Variants in CTNNA3 observed in about 807,000 individuals in gnomAD.
The protein encoded by CTNNA3 is catenin alpha-3.
Under a neutral mutation model 95.7 loss-of-function variants are expected in CTNNA3, and 76 were observed. The ratio of observed to expected loss-of-function variants is 0.79; its 90% CI spans 0.66 to 0.96. The LOEUF (loss-of-function observed/expected upper bound fraction) is 0.96. Ranked by LOEUF, CTNNA3 falls within the 40% of genes least tolerant of loss-of-function variation. The pLI, the probability that CTNNA3 is intolerant of heterozygous loss-of-function variation, is 0.00. For synonymous variants in CTNNA3, 431 were observed against 374.4 expected (o/e 1.15, Z -1.74); for missense variants, 1,191 against 1,089.8 (o/e 1.09, Z -1.31).
intron 14 of CTNNA3, among the ~76,000 whole-genome samples, chr10:66,079,731 A>C (rs753411546): frequency 9.9e-5 from 15 of 152,028 alleles, no homozygotes; most frequent in Non-Finnish European, 1.8e-4. Context: ...GACCAAGACT[A>C]ATGATCCATA....
At chr10:66,319,116 T>C (rs2092147299) in intron 12 of CTNNA3, among the ~76,000 whole-genome samples, 1 of 152,072 alleles carries the variant, frequency 6.6e-6, no homozygotes, top group African/African-American at 2.4e-5. Flanking sequence ...TTAGCTCTTC[T>C]GAGCCTTGGA....
At chr10:66,688,293 A>G (rs1366672894) in intron 9 of CTNNA3, among the ~76,000 whole-genome samples, 1 of 152,172 alleles carries the variant, frequency 6.6e-6, no homozygotes, top group Non-Finnish European at 1.5e-5. Flanking sequence ...AATAAAATCC[A>G]AATGTTTCCC....
intron 7 of CTNNA3, among the ~76,000 whole-genome samples, chr10:66,815,703 A>T (rs932848288): frequency 6.6e-6 from 1 of 152,200 alleles, no homozygotes; most frequent in African/African-American, 2.4e-5. Context: ...TGGAAATAAT[A>T]TATTTAAACT....
chr10:67,194,413 C>CATAG, intron 6 of CTNNA3, among the ~76,000 whole-genome samples: 1 of 151,880 alleles, frequency 6.6e-6, no homozygotes, highest in Non-Finnish European at 1.5e-5. Context: ...CACAAAAAGA[C>CATAG]ATAGAGGAAA....
intron 9 of CTNNA3, among the ~76,000 whole-genome samples, chr10:66,736,286 A>G (rs1284043012): frequency 6.6e-6 from 1 of 151,826 alleles, no homozygotes; most frequent in Non-Finnish European, 1.5e-5. Flanking sequence ...CCCGGGTTCA[A>G]GCAATTCTCC....
chr10:65,948,015 C>A (rs570243330), intron 17 of CTNNA3, among the ~76,000 whole-genome samples: 1 of 152,188 alleles, frequency 6.6e-6, no homozygotes, highest in Non-Finnish European at 1.5e-5. Context: ...CGGTGGCTTA[C>A]GCCTGTAATC....
At chr10:66,647,384 G>A (rs1233077962) in intron 9 of CTNNA3, among the ~76,000 whole-genome samples, 1 of 152,170 alleles carries the variant, frequency 6.6e-6, no homozygotes, top group Non-Finnish European at 1.5e-5. Context: ...AATACTTTGG[G>A]AACAGGCAGG....
intron 17 of CTNNA3, among the ~76,000 whole-genome samples, chr10:65,954,019 C>G (rs971455396): frequency 9.9e-5 from 15 of 152,184 alleles, no homozygotes; most frequent in Admixed American, 9.8e-4. Context: ...AAAAGTGTTC[C>G]TATTTCTCCA....
intron 1 of CTNNA3, among the ~76,000 whole-genome samples, chr10:67,674,888 A>T (rs1187215902): frequency 6.6e-6 from 1 of 150,410 alleles, no homozygotes. Flanking sequence ...TCCCTGCTTC[A>T]TATGTCCCTC....
chr10:67,266,952 A>G (rs572072155), intron 5 of CTNNA3, among the ~76,000 whole-genome samples: 2 of 152,348 alleles, frequency 1.3e-5, no homozygotes, highest in East Asian at 3.9e-4. Flanking sequence ...TTTATCAATT[A>G]AAAATAATAT....
intron 5 of CTNNA3, among the ~76,000 whole-genome samples, chr10:67,235,366 T>TA (rs1697814469): frequency 6.6e-6 from 1 of 152,126 alleles, no homozygotes; most frequent in Non-Finnish European, 1.5e-5. Flanking sequence ...GCCACATATC[T>TA]ACAACTATCT....
In CTNNA3 at chr10:66,280,484, C is replaced by G. The variant is rs757726745; in HGVS notation, c.1870G>C (p.Val624Leu). 1.2e-5 allele frequency: 20 copies of G among 1,604,870 alleles called. No individual in the cohort carries two copies. Among genetic ancestry groups the G allele is most frequent in the East Asian group, 2.3e-5 (1 of 44,250 alleles). Residue 624 changes from valine (V) to leucine (L), a missense_variant, in exon 13 of 18, where the codon GTC (valine) becomes CTC (leucine). By Grantham distance (32) the Val-to-Leu change is conservative. Transcript: ENST00000433211. ...AGCAAACTTACCCGAATCATCATGA[C>G]TGAACATCTGATATCATGAATTGTA... is the stretch of plus-strand genomic sequence containing the variant. Reference protein sequence around the residue: ...YDTIHDIRCSVMMIRTPEELE... With the variant: ...YDTIHDIRCSLMMIRTPEELE...
intron 5 of CTNNA3, among the ~76,000 whole-genome samples, chr10:67,355,562 C>T (rs1414761004): frequency 6.6e-6 from 1 of 151,832 alleles, no homozygotes; most frequent in African/African-American, 2.4e-5. Flanking sequence ...GGAGCTGTAA[C>T]TTCTGCTCCT....
At chr10:67,266,244 T>C (rs1866821305) in intron 5 of CTNNA3, among the ~76,000 whole-genome samples, 1 of 151,984 alleles carries the variant, frequency 6.6e-6, no homozygotes, top group Non-Finnish European at 1.5e-5. Flanking sequence ...ACTAAACAAT[T>C]CAACTTACAC....
chr10:66,251,720 A>C (rs999062358), intron 13 of CTNNA3, among the ~76,000 whole-genome samples: 3 of 152,192 alleles, frequency 2.0e-5, no homozygotes, highest in Non-Finnish European at 2.9e-5. Context: ...AGTGCTAATT[A>C]CTCTATTTAA....
chr10:67,743,903 T>C (rs1005454621), intron 1 of CTNNA3, among the ~76,000 whole-genome samples: 25 of 151,086 alleles, frequency 1.7e-4, no homozygotes, highest in Non-Finnish European at 3.1e-4. Flanking sequence ...CCATTCACAA[T>C]TGCTTCAAAG....
At position 66,766,833 on chromosome 10, in the gene CTNNA3, T is replaced by A. The variant is rs115914660; in HGVS notation, c.1129-417A>T. Among the ~76,000 whole-genome samples, 706 of 152,314 alleles carry A rather than the reference T, an allele frequency of 4.6e-3. 5 individuals carry two copies. Among genetic ancestry groups the A allele is most frequent in the African/African-American group, 0.017 (688 of 41,576 alleles). ...GGAGGAACTGATGATAAATTTTGAT[T>A]AGCTAAATTGTAGACTTCATAGTAA... On this transcript the variant is annotated intron_variant, in intron 8 of 17. Coordinates refer to ENST00000433211, the MANE Select transcript of CTNNA3 (RefSeq NM_013266.4).
chr10:66,627,006 T>C (rs893689202), intron 9 of CTNNA3, among the ~76,000 whole-genome samples: 2 of 152,072 alleles, frequency 1.3e-5, no homozygotes, highest in African/African-American at 4.8e-5. Flanking sequence ...TGGTTAATTT[T>C]CATGTGTTTG....
chr10:66,673,872 C>T (rs1846751960), intron 9 of CTNNA3, among the ~76,000 whole-genome samples: 1 of 151,898 alleles, frequency 6.6e-6, no homozygotes, highest in Admixed American at 6.6e-5. Flanking sequence ...AGTTCAATGG[C>T]AATTTGATTC....
Sources: gnomAD v4.1 joint callset for allele counts (sites outside exome capture counted in the v4.1 genomes callset) on GRCh38, gnomAD v4.1.1 for gene constraint, MANE v1.5 for transcripts, NCBI Gene and HGNC (gene_info 2026-07-23, HGNC 2026-07-21) for gene names.